The following PTPRD variants were observed in gnomAD, a reference collection of about 807,000 sequenced individuals.
The protein encoded by PTPRD is receptor-type tyrosine-protein phosphatase delta.
Under a neutral mutation model 214.5 loss-of-function variants are expected in PTPRD, and 34 were observed. The observed-to-expected ratio is 0.16, with a 90% CI of 0.12 to 0.21. The LOEUF (loss-of-function observed/expected upper bound fraction) is 0.21, where lower values mean the gene tolerates loss of function less well. Ranked by LOEUF, PTPRD falls within the 10% of genes least tolerant of loss-of-function variation. The probability of loss-of-function intolerance (pLI) is 1.00; values close to 1 mark genes in which losing one functional copy is unlikely to be tolerated. For missense variants in PTPRD, 2,545 were observed against 2,398.7 expected (o/e 1.06, Z -1.27); for synonymous variants, 1,128 against 845.7 (o/e 1.33, Z -5.79).
At chr9:10,518,678 GC>G (rs368622910) in intron 2 of PTPRD, among the ~76,000 whole-genome samples, 5 of 151,678 alleles carry the variant, frequency 3.3e-5, no homozygotes, top group Admixed American at 2.0e-4. Context: ...GACTACAGGC[GC>G]CCGCCACCAC....
intron 8 of PTPRD, among the ~76,000 whole-genome samples, chr9:9,466,668 T>G (rs753426112): frequency 5.3e-5 from 8 of 152,218 alleles, no homozygotes; most frequent in African/African-American, 1.7e-4. Flanking sequence ...ATAGACAACT[T>G]ATTTGATAGT....
intron 12 of PTPRD, among the ~76,000 whole-genome samples, chr9:8,724,982 C>G (rs2098542145): frequency 1.3e-5 from 2 of 152,042 alleles, no homozygotes; most frequent in Non-Finnish European, 2.9e-5. Context: ...CATGTAAAAA[C>G]TGGTAAAATC....
chr9:8,514,689 A>T (rs2097754001), intron 21 of PTPRD, among the ~76,000 whole-genome samples: 1 of 152,302 alleles, frequency 6.6e-6, no homozygotes, highest in South Asian at 2.1e-4. Flanking sequence ...TTCATTATTG[A>T]ATACCTACAC....
At chr9:8,758,375 G>A (rs1263807128) in intron 11 of PTPRD, among the ~76,000 whole-genome samples, 1 of 152,132 alleles carries the variant, frequency 6.6e-6, no homozygotes, top group Non-Finnish European at 1.5e-5. Flanking sequence ...AACTCTGTGA[G>A]TTCAGGATGG....
In PTPRD at chr9:9,569,561, T is replaced by C. The variant is rs545558538; in HGVS notation, c.-237+5171A>G. Among the ~76,000 whole-genome samples the C allele has an allele frequency of 2.6e-3, 396 of 151,734 alleles. 3 individuals are homozygous for C. The highest frequency in any genetic ancestry group is 6.8e-3 in the Middle Eastern group (2 of 294). ...AATATGTTCTAAAGCTCTTTTTTTT[T>C]CCCTAACACTTCGTTATCAACAAGT... On this transcript the variant is annotated intron_variant, in intron 8 of 45. Transcript: ENST00000381196.
chr9:8,916,207 C>T (rs2098784803), intron 11 of PTPRD, among the ~76,000 whole-genome samples: 1 of 151,826 alleles, frequency 6.6e-6, no homozygotes, highest in Non-Finnish European at 1.5e-5. Flanking sequence ...GAGTCAACAG[C>T]ATGTAGATGT....
intron 34 of PTPRD, among the ~76,000 whole-genome samples, chr9:8,443,102 G>A (rs1349403273): frequency 2.0e-5 from 3 of 152,172 alleles, no homozygotes; most frequent in Non-Finnish European, 4.4e-5. Flanking sequence ...CTATGATTGT[G>A]CCACTGCACT....
At chr9:9,422,986 C>T (rs1179404026) in intron 8 of PTPRD, among the ~76,000 whole-genome samples, 1 of 152,030 alleles carries the variant, frequency 6.6e-6, no homozygotes, top group Non-Finnish European at 1.5e-5. Flanking sequence ...TAGTTGGGTC[C>T]CTCTTGGCGT....
intron 10 of PTPRD, among the ~76,000 whole-genome samples, chr9:9,154,866 TA>T (rs1370432849): frequency 2.0e-5 from 3 of 152,206 alleles, no homozygotes; most frequent in East Asian, 3.8e-4. Flanking sequence ...TTTTAACCAG[TA>T]AAAAATATTA....
intron 3 of PTPRD, among the ~76,000 whole-genome samples, chr9:10,072,638 C>A (rs1297411877): frequency 6.6e-6 from 1 of 152,084 alleles, no homozygotes; most frequent in African/African-American, 2.4e-5. Flanking sequence ...ATCCTCCCTG[C>A]AATTGACTGC....
At position 8,337,686 on chromosome 9, in the gene PTPRD, C is replaced by T. The variant is rs76809377; in HGVS notation, c.5379+1236G>A. ...TAAAAAAAAAAAGGTGAGCAACTTC[C>T]GGTTTCAATCTTCTTTTGTTTATTG... On this transcript the variant is annotated intron_variant, in intron 43 of 45. Transcript: ENST00000381196. Among the ~76,000 whole-genome samples, 468 of 151,934 alleles carry T rather than the reference C, an allele frequency of 3.1e-3. 4 individuals carry two copies. Among genetic ancestry groups the T allele is most frequent in the African/African-American group, 9.5e-3 (394 of 41,448 alleles).
At chr9:9,156,668 C>A (rs1372575263) in intron 10 of PTPRD, among the ~76,000 whole-genome samples, 1 of 152,042 alleles carries the variant, frequency 6.6e-6, no homozygotes, top group Non-Finnish European at 1.5e-5. Context: ...ACATCAAAAT[C>A]AAAATCAGGT....
At chr9:8,449,872 A>T in intron 33 of PTPRD, 35 bp from the exon 34 acceptor site, 1 of 1,596,638 alleles carries the variant, frequency 6.3e-7, no homozygotes. Flanking sequence ...AGAAGAAAAG[A>T]AAAATCAATT....
chr9:9,113,875 T>C (rs1004359955), intron 10 of PTPRD, among the ~76,000 whole-genome samples: 1 of 152,160 alleles, frequency 6.6e-6, no homozygotes, highest in African/African-American at 2.4e-5. Context: ...GATAGCAATA[T>C]GCTATAGTAA....
At chr9:10,336,028 G>A (rs930187047) in intron 3 of PTPRD, among the ~76,000 whole-genome samples, 1 of 151,716 alleles carries the variant, frequency 6.6e-6, no homozygotes, top group African/African-American at 2.4e-5. Flanking sequence ...AAGAGAGTTT[G>A]GCAGTTTCTT....
intron 12 of PTPRD, among the ~76,000 whole-genome samples, chr9:8,677,675 A>T (rs556933189): frequency 1.1e-4 from 16 of 152,328 alleles, no homozygotes; most frequent in African/African-American, 3.8e-4. Flanking sequence ...TAAAAGTTTT[A>T]AAAAATGTGA....
chr9:9,315,835 T>G lies in PTPRD; in HGVS notation c.-203+81614A>C, dbSNP rs1302066901. Among the ~76,000 whole-genome samples the G allele has an allele frequency of 2.1e-5, 3 of 139,868 alleles. No individual in the cohort carries two copies. In the East Asian group the frequency reaches 6.2e-4, roughly 29 times the overall value. The allele number at this position is 139,868 out of a possible 152,430, so 91.8% of individuals were successfully genotyped here. On this transcript the variant is annotated intron_variant, in intron 9 of 45. Transcript: ENST00000381196. ...TTCTGTATTATAGTAGCAGACAACT[T>G]TTTTTTTTTTTTTTTTTTTTTTGCT... is the stretch of plus-strand genomic sequence containing the variant.
chr9:10,053,304 C>T (rs1317705157), intron 3 of PTPRD, among the ~76,000 whole-genome samples: 1 of 152,114 alleles, frequency 6.6e-6, no homozygotes, highest in Non-Finnish European at 1.5e-5. Flanking sequence ...AAGCCCAATG[C>T]CTTATTTCTG....
At chr9:8,612,134 A>C (rs1363164011) in intron 14 of PTPRD, among the ~76,000 whole-genome samples, 13 of 152,122 alleles carry the variant, frequency 8.5e-5, no homozygotes, top group Non-Finnish European at 1.8e-4. Context: ...AAACAAAACA[A>C]AACAAAAGGA....
Sources: gnomAD v4.1 joint callset for allele counts (sites outside exome capture counted in the v4.1 genomes callset) on GRCh38, gnomAD v4.1.1 for gene constraint, MANE v1.5 for transcripts, NCBI Gene and HGNC (gene_info 2026-07-23, HGNC 2026-07-21) for gene names.